OTUD7B: variants seen among roughly 807,000 people sequenced by gnomAD.
OTUD7B encodes the protein OTU deubiquitinase 7B.
A neutral mutation model predicts 82.2 loss-of-function variants in OTUD7B; 34 were observed. The ratio of observed to expected loss-of-function variants is 0.41; its 90% CI spans 0.31 to 0.55. The LOEUF is 0.55. Ranked by LOEUF, OTUD7B falls within the 20% of genes least tolerant of loss-of-function variation. The pLI is 0.20. For synonymous variants in OTUD7B, 398 were observed against 402.7 expected, an observed-to-expected ratio of 0.99 and a Z score of 0.14; for missense variants, 944 against 1,062.1, an observed-to-expected ratio of 0.89 and a Z score of 1.55.
At chr1:149,969,236 TC>T (rs1649739055) in intron 3 of OTUD7B, among the ~76,000 whole-genome samples, 1 of 152,032 alleles carries the variant, frequency 6.6e-6, no homozygotes, top group Admixed American at 6.5e-5. Context: ...GGCAGTAGGA[TC>T]CCTTGAGCCT....
chr1:149,970,986 A>G, intron 3 of OTUD7B, 77 bp downstream of exon 3: 1 of 1,294,406 alleles, frequency 7.7e-7, no homozygotes, highest in South Asian at 1.6e-5. Flanking sequence ...CCAATGGATC[A>G]CTAGACTTTA....
At chr1:150,067,591 C>T in the OTUD7B span, 2 of 466,070 alleles carry the variant, frequency 4.3e-6, no homozygotes, top group South Asian at 3.7e-5. Flanking sequence ...GGGCCTCAGG[C>T]ATCTTCAGGC....
At chr1:150,060,279 A>G in the OTUD7B span, among the ~76,000 whole-genome samples, 7 of 152,092 alleles carry the variant, frequency 4.6e-5, no homozygotes, top group Non-Finnish European at 1.0e-4. Flanking sequence ...TCTGTATGGG[A>G]TTGCATTTGG....
chr1:149,980,590 T>C (rs1650648109), intron 1 of OTUD7B, among the ~76,000 whole-genome samples: 2 of 151,882 alleles, frequency 1.3e-5, no homozygotes, highest in African/African-American at 4.8e-5. Context: ...GTGTGGTGGC[T>C]AGTCCCAGCT....
intron 11 of OTUD7B, 101 bp downstream of exon 11, chr1:149,947,150 C>G: frequency 1.6e-6 from 1 of 625,648 alleles, no homozygotes; most frequent in Non-Finnish European, 2.9e-6. Flanking sequence ...TGTAAGCCAC[C>G]ACTCAGAATA....
intron 7 of OTUD7B, among the ~76,000 whole-genome samples, chr1:149,956,235 G>A (rs1276047961): frequency 3.9e-5 from 6 of 152,136 alleles, no homozygotes; most frequent in Non-Finnish European, 8.8e-5. Flanking sequence ...GCCTGGTGGT[G>A]ACAAAATCTC....
In OTUD7B at chr1:149,938,279, G is replaced by C. The variant is rs782420877; in HGVS notation, c.*5578C>G. The C allele has an allele frequency of 1.3e-5, 2 of 152,070 alleles. No homozygotes were observed. Among genetic ancestry groups the C allele is most frequent in the African/African-American group, 2.4e-5 (1 of 41,472 alleles). The allele number at this position is 152,070 out of a possible 1,614,324, so 9.4% of individuals were successfully genotyped here. On this transcript the variant is annotated 3_prime_UTR_variant, in exon 12 of 12. Transcript: ENST00000581312. The stretch of plus-strand genomic sequence containing the variant: ...GAGTTCAGGACCACCTGGCCAACAT[G>C]ATGAAGCCCCATCTCTACTGAAAAT...
chr1:150,041,113 A>C, the OTUD7B span, among the ~76,000 whole-genome samples: 11 of 152,136 alleles, frequency 7.2e-5, no homozygotes, highest in Admixed American at 5.9e-4. Context: ...AGTCATGTTA[A>C]CTATATTGTG....
At chr1:149,955,327 T>G (rs782543064) in intron 7 of OTUD7B, among the ~76,000 whole-genome samples, 2 of 152,246 alleles carry the variant, frequency 1.3e-5, no homozygotes, top group Non-Finnish European at 2.9e-5. Context: ...AGCAGGTTGT[T>G]CAGTTTCCAT....
At chr1:150,050,191 C>T in the OTUD7B span, among the ~76,000 whole-genome samples, 1 of 149,894 alleles carries the variant, frequency 6.7e-6, no homozygotes, top group Non-Finnish European at 1.5e-5. Flanking sequence ...GAGACCCTGT[C>T]TCAAAAAAAA....
chr1:150,047,577 C>T, the OTUD7B span: 1 of 152,114 alleles, frequency 6.6e-6, no homozygotes, highest in Non-Finnish European at 1.5e-5. Context: ...TATGAACATC[C>T]TCTATAAATC....
In OTUD7B at chr1:149,943,087, A is replaced by T. The variant is rs1254385104; in HGVS notation, c.*770T>A. 6.6e-6 allele frequency: 1 copy of T among 152,434 alleles called. No homozygotes were observed. The highest frequency in any genetic ancestry group is 1.5e-5 in the Non-Finnish European group (1 of 68,042). The allele number at this position is 152,434 out of a possible 1,614,324, so 9.4% of individuals were successfully genotyped here. A position where few individuals can be genotyped will look rare whatever the true frequency, so the allele number is the denominator to read the frequency against. On this transcript the variant is annotated 3_prime_UTR_variant, in exon 12 of 12. Coordinates refer to ENST00000581312, the MANE Select transcript of OTUD7B (RefSeq NM_020205.4). ...CACACATGACGGCTGTTCTCACCAC[A>T]CTCTTCCCTTTAAACAAATACAATT...
chr1:149,976,472 G>C (rs1553778574), intron 2 of OTUD7B, among the ~76,000 whole-genome samples: 1 of 151,556 alleles, frequency 6.6e-6, no homozygotes, highest in Non-Finnish European at 1.5e-5. Context: ...TTAGCTGAGT[G>C]TGGTGGTGCA....
the OTUD7B span, among the ~76,000 whole-genome samples, chr1:150,059,299 C>A: frequency 6.6e-5 from 2 of 30,374 alleles, no homozygotes; most frequent in Admixed American, 1.8e-4. Context: ...GTGATCCACC[C>A]CCCCCCCCCC....
chr1:150,000,913 A>C (rs1196481348), intron 1 of OTUD7B, among the ~76,000 whole-genome samples: 1 of 152,160 alleles, frequency 6.6e-6, no homozygotes, highest in Non-Finnish European at 1.5e-5. Flanking sequence ...CGGGAGGCAG[A>C]GGTTGCAGTG....
chr1:149,953,448 C>T (rs372989520), intron 7 of OTUD7B, among the ~76,000 whole-genome samples: 1 of 152,068 alleles, frequency 6.6e-6, no homozygotes, highest in African/African-American at 2.4e-5. Context: ...TTGGTTACTG[C>T]AGCCTTGTAG....
chr1:150,045,900 C>G, the OTUD7B span, among the ~76,000 whole-genome samples: 1 of 151,984 alleles, frequency 6.6e-6, no homozygotes, highest in Non-Finnish European at 1.5e-5. Flanking sequence ...AAAAGAGACA[C>G]AAGCCTTATA....
intron 3 of OTUD7B, among the ~76,000 whole-genome samples, chr1:149,970,217 G>GAA (rs880002316): frequency 1.0e-3 from 150 of 145,836 alleles, no homozygotes; most frequent in Admixed American, 1.2e-3. Flanking sequence ...ATTGCCTCAA[G>GAA]AAAAAAAAAA....
chr1:149,957,260 G>T (rs1214075918), intron 7 of OTUD7B, among the ~76,000 whole-genome samples: 2 of 151,686 alleles, frequency 1.3e-5, no homozygotes, highest in African/African-American at 4.9e-5. Flanking sequence ...TAACAGTCAG[G>T]ACCCTCAGCT....
Sources: gnomAD v4.1 joint callset for allele counts (sites outside exome capture counted in the v4.1 genomes callset) on GRCh38, gnomAD v4.1.1 for gene constraint, MANE v1.5 for transcripts, NCBI Gene and HGNC (gene_info 2026-07-23, HGNC 2026-07-21) for gene names.